GREB1L: variants seen among roughly 807,000 people sequenced by gnomAD.
GREB1L encodes GREB1-like protein.
Under a neutral mutation model 200.8 loss-of-function variants are expected in GREB1L, and 17 were observed. That is an observed-to-expected ratio of 0.08 (90% CI 0.06 to 0.13). The LOEUF is 0.13. Among genes scored for constraint, GREB1L ranks in the 10% least tolerant of loss-of-function variants. The pLI is 1.00. For synonymous variants in GREB1L, 789 were observed against 893.0 expected (o/e 0.88, Z 2.08); for missense variants, 1,657 against 2,367.7 (o/e 0.70, Z 6.23).
At chr18:21,390,321 G>C (rs2040743649) in intron 4 of GREB1L, among the ~76,000 whole-genome samples, 1 of 151,896 alleles carries the variant, frequency 6.6e-6, no homozygotes, top group Non-Finnish European at 1.5e-5. Flanking sequence ...CTGTAAAACA[G>C]CCTCAGGCAG....
At chr18:21,409,929 C>G (rs528230962) in intron 7 of GREB1L, among the ~76,000 whole-genome samples, 1 of 152,058 alleles carries the variant, frequency 6.6e-6, no homozygotes, top group East Asian at 1.9e-4. Context: ...TTCTCTTATA[C>G]GCTAGAAGCT....
intron 15 of GREB1L, among the ~76,000 whole-genome samples, chr18:21,470,244 C>T (rs1361454581): frequency 1.3e-5 from 2 of 152,148 alleles, no homozygotes; most frequent in African/African-American, 4.8e-5. Context: ...GATGTGATCA[C>T]ACGACTGCAC....
At chr18:21,368,715 C>T (rs1372879627) in intron 2 of GREB1L, among the ~76,000 whole-genome samples, 1 of 152,090 alleles carries the variant, frequency 6.6e-6, no homozygotes, top group Non-Finnish European at 1.5e-5. Context: ...ATTTGCGGTA[C>T]TTTTTAGAAG....
chr18:21,272,288 A>G (rs1203821863), intron 1 of GREB1L, among the ~76,000 whole-genome samples: 2 of 152,180 alleles, frequency 1.3e-5, no homozygotes, highest in African/African-American at 4.8e-5. Context: ...GCATATAGGG[A>G]AGGCAAACAA....
intron 1 of GREB1L, among the ~76,000 whole-genome samples, chr18:21,288,407 G>C (rs1271543095): frequency 6.6e-6 from 1 of 152,170 alleles, no homozygotes; most frequent in Non-Finnish European, 1.5e-5. Context: ...TTTGGACCAA[G>C]GACCACTGTC....
chr18:21,488,666 T>C (rs2036216596), intron 18 of GREB1L, among the ~76,000 whole-genome samples: 1 of 152,170 alleles, frequency 6.6e-6, no homozygotes, highest in Non-Finnish European at 1.5e-5. Context: ...TTCTCTTTTT[T>C]ATATTTTTAA....
At position 21,496,630 on chromosome 18, in the gene GREB1L, A is replaced by G. The variant is rs146983775; in HGVS notation, c.3323A>G (p.Asp1108Gly). 702 of 1,551,550 alleles carry G rather than the reference A, an allele frequency of 4.5e-4. No individual in the cohort carries two copies. Among genetic ancestry groups the G allele is most frequent in the Non-Finnish European group, 5.5e-4 (626 of 1,146,964 alleles). ...GAGAGAGCTGCTGTCAGTGAGAATG[A>G]CTCCGATGAGCTGCTCATCGACCTG... The part of the protein sequence containing the change: ...EQERAAVSEN[D>G]SDELLIDLER... The change falls in exon 21 of 33, where the codon GAC (aspartate) becomes GGC (glycine). Residue 1108 changes from aspartate to glycine, a missense_variant. Physicochemically the swap from Asp to Gly is moderately conservative, Grantham distance 94. This residue lies in a region of GREB1L where 512 missense variants were observed against 668.3 expected (regional missense o/e 0.77). Coordinates refer to ENST00000424526, the MANE Select transcript of GREB1L (RefSeq NM_001142966.3).
intron 16 of GREB1L, among the ~76,000 whole-genome samples, chr18:21,474,021 G>T (rs574348673): frequency 1.3e-5 from 2 of 152,270 alleles, no homozygotes; most frequent in East Asian, 3.9e-4. Flanking sequence ...CTCCCACTGG[G>T]TCCCTCCCAC....
intron 4 of GREB1L, among the ~76,000 whole-genome samples, chr18:21,394,644 G>A (rs1283789884): frequency 1.3e-5 from 2 of 152,080 alleles, no homozygotes; most frequent in Non-Finnish European, 2.9e-5. Flanking sequence ...TCATCTAGGA[G>A]TCACCAAATT....
chr18:21,424,690 A>G (rs1301146701), intron 7 of GREB1L, among the ~76,000 whole-genome samples: 1 of 152,236 alleles, frequency 6.6e-6, no homozygotes, highest in Non-Finnish European at 1.5e-5. Context: ...ATAAAAAACA[A>G]AAAGTGTACA....
At chr18:21,385,421 C>T (rs1392860639) in intron 4 of GREB1L, among the ~76,000 whole-genome samples, 2 of 145,638 alleles carry the variant, frequency 1.4e-5, no homozygotes, top group African/African-American at 5.4e-5. Context: ...GTCAAAATCC[C>T]CTACCTAGGA....
chr18:21,485,521 A>G (rs2036093050), intron 17 of GREB1L, 99 bp from the exon 18 acceptor site: 5 of 1,048,174 alleles, frequency 4.8e-6, no homozygotes, highest in Non-Finnish European at 5.4e-6. Flanking sequence ...GTCAGGAAAT[A>G]ACCTCTTACA....
At chr18:21,424,421 A>G (rs1156854155) in intron 7 of GREB1L, among the ~76,000 whole-genome samples, 2 of 152,128 alleles carry the variant, frequency 1.3e-5, no homozygotes, top group African/African-American at 2.4e-5. Context: ...TACAAAAATT[A>G]GCTGGGCATG....
At position 21,500,534 on chromosome 18, in the gene GREB1L, C is replaced by T. The variant is rs1242871400; in HGVS notation, c.3970-6C>T. 7.8e-6 allele frequency: 12 copies of T among 1,537,874 alleles called. No homozygotes were observed. Among genetic ancestry groups the T allele is most frequent in the Non-Finnish European group, 1.1e-5 (12 of 1,135,618 alleles). ...ACTCCTCCCCAATTAAAAATCTTTC[C>T]ATTAGGTGGGAAAGACGGGCTCCTA... On this transcript the variant is annotated splice_region_variant and splice_polypyrimidine_tract_variant and intron_variant, in intron 22 of 32. Coordinates refer to ENST00000424526, the MANE Select transcript of GREB1L (RefSeq NM_001142966.3).
intron 15 of GREB1L, among the ~76,000 whole-genome samples, chr18:21,463,579 A>T (rs572395235): frequency 6.6e-6 from 1 of 151,562 alleles, no homozygotes; most frequent in South Asian, 2.1e-4. Context: ...AAAAAGAAAA[A>T]TCCTCCTGTC....
At chr18:21,441,582 G>A (rs1486316389) in intron 10 of GREB1L, 45 bp downstream of exon 10, 1 of 1,503,030 alleles carries the variant, frequency 6.7e-7, no homozygotes, top group African/African-American at 1.4e-5. Flanking sequence ...CTGGAATCTA[G>A]GAGTGTTTTT....
At chr18:21,395,687 C>A in intron 5 of GREB1L, 126 bp downstream of exon 5, 8 of 592,438 alleles carry the variant, frequency 1.4e-5, no homozygotes, top group Non-Finnish European at 2.2e-5. Flanking sequence ...TAGTTTAGTT[C>A]AATTATGAGA....
At chr18:21,443,303 A>G (rs1475138127) in intron 10 of GREB1L, among the ~76,000 whole-genome samples, 3 of 152,082 alleles carry the variant, frequency 2.0e-5, no homozygotes, top group African/African-American at 7.2e-5. Context: ...CCTGGGTTCA[A>G]GCGATTCTCC....
At position 21,337,512 on chromosome 18, in the gene GREB1L, T is replaced by C. The variant is rs536278553; in HGVS notation, c.-119-28515T>C. Among the ~76,000 whole-genome samples, 4 of 152,292 alleles carry C rather than the reference T, an allele frequency of 2.6e-5. No homozygotes were observed. In the East Asian group the frequency reaches 7.7e-4, roughly 29 times the overall value. ...ATGGCAAAACGGCCTTTCAAAACTC[T>C]CTGGTGCTTGTAAGCACCCTTCTTG... is the stretch of plus-strand genomic sequence containing the variant. On this transcript the variant is annotated intron_variant, in intron 1 of 32. Transcript: ENST00000424526.
Sources: gnomAD v4.1 joint callset for allele counts (sites outside exome capture counted in the v4.1 genomes callset) on GRCh38, gnomAD v4.1.1 for gene constraint, gnomAD v4.1.1 regional missense constraint, MANE v1.5 for transcripts, NCBI Gene and HGNC (gene_info 2026-07-23, HGNC 2026-07-21) for gene names.